The following MRPS6 variants were observed in gnomAD, a reference collection of about 807,000 sequenced individuals.
MRPS6 encodes mitochondrial ribosomal protein S6, also known as small ribosomal subunit protein bS6m.
A neutral mutation model predicts 13.1 loss-of-function variants in MRPS6; 6 were observed. The ratio of observed to expected loss-of-function variants is 0.46; its 90% CI spans 0.25 to 0.91. The LOEUF (loss-of-function observed/expected upper bound fraction) is 0.91. Among genes scored for constraint, MRPS6 ranks in the 40% least tolerant of loss-of-function variants. The pLI is 0.18. For missense variants in MRPS6, 164 were observed against 155.6 expected, an observed-to-expected ratio of 1.05 and a Z score of -0.29; for synonymous variants, 61 against 56.5, an observed-to-expected ratio of 1.08 and a Z score of -0.36.
At chr21:34,137,461 C>A (rs973403354) in intron 2 of MRPS6, among the ~76,000 whole-genome samples, 1 of 152,136 alleles carries the variant, frequency 6.6e-6, no homozygotes, top group Non-Finnish European at 1.5e-5. Context: ...TTGTATCTTG[C>A]AATCCTGCTA....
At chr21:34,074,368 C>T (rs994585956) in intron 1 of MRPS6, among the ~76,000 whole-genome samples, 13 of 152,224 alleles carry the variant, frequency 8.5e-5, no homozygotes, top group Non-Finnish European at 1.6e-4. Flanking sequence ...CTGACTTCAG[C>T]GAAAATCCCG....
Position 34,142,770 on chromosome 21 carries a change from G to GA in MRPS6, c.*172dup. The GA allele has an allele frequency of 1.5e-6, 1 of 669,470 alleles. No homozygotes were observed. The highest frequency in any genetic ancestry group is 3.2e-5 in the East Asian group (1 of 31,262). 41.5% of individuals were successfully genotyped at this position (669,470 alleles called of 1,614,324 possible). A position where few individuals can be genotyped will look rare whatever the true frequency, so the allele number is the denominator to read the frequency against. ...ATCCCCTTTGCTTGCGAGAGGTGGG[G>GA]AACTGCTCACTGACAGCTTCTCTGT... On this transcript the variant is annotated 3_prime_UTR_variant, in exon 3 of 3. Transcript: ENST00000399312.
At position 34,142,880 on chromosome 21, in the gene MRPS6, G is replaced by T; in HGVS notation, c.*280G>T. On this transcript the variant is annotated 3_prime_UTR_variant, in exon 3 of 3. Coordinates refer to ENST00000399312, the MANE Select transcript of MRPS6 (RefSeq NM_032476.4). ...ATTGAGGACTTTTCCCCTTACAACA[G>T]TAACACCATTTTTTGAAGAGCAAAA... 3.8e-6 allele frequency: 1 copy of T among 261,856 alleles called. No homozygotes were observed. Among genetic ancestry groups the T allele is most frequent in the Non-Finnish European group, 7.1e-6 (1 of 139,962 alleles). 16.2% of individuals were successfully genotyped at this position (261,856 alleles called of 1,614,324 possible).
In MRPS6 at chr21:34,104,506, T is replaced by TA. The variant is rs143789964; in HGVS notation, c.46-20834dup. ...CTTTGTTCCTACTCTTTTATATAAT[T>TA]ATCCTTTTAGGGAAAGACTTGGTCA... On this transcript the variant is annotated intron_variant, in intron 1 of 2. Coordinates refer to ENST00000399312, the MANE Select transcript of MRPS6 (RefSeq NM_032476.4). 15,081 of 998,414 alleles carry TA rather than the reference T, an allele frequency of 0.015. 1,738 individuals are homozygous for TA. The African/African-American group carries it at 0.24, about 16-fold the overall frequency. 61.8% of individuals were successfully genotyped at this position (998,414 alleles called of 1,614,324 possible).
chr21:34,117,179 A>G (rs1007081724), intron 1 of MRPS6, among the ~76,000 whole-genome samples: 1 of 152,186 alleles, frequency 6.6e-6, no homozygotes, highest in Non-Finnish European at 1.5e-5. Flanking sequence ...TTCTAGGCAA[A>G]ATAGTGCCAT....
chr21:34,127,417 C>T (rs1450999954), intron 2 of MRPS6, among the ~76,000 whole-genome samples: 1 of 152,190 alleles, frequency 6.6e-6, no homozygotes, highest in Non-Finnish European at 1.5e-5. Context: ...TGTGGGAAGC[C>T]TTACATGATC....
rs796339112 is a variant in MRPS6, at chr21:34,075,164, T to TA, written c.45+1420dup. ...AGTTGTTTAAGCCCTCCCTTCAACT[T>TA]ACGTGTTTTAGGGAATGTGGAACCT... On this transcript the variant is annotated intron_variant, in intron 1 of 2. Transcript: ENST00000399312. 1.5e-4 allele frequency among the ~76,000 whole-genome samples: 23 copies of TA among 152,372 alleles called. 1 individual carries two copies. Among genetic ancestry groups the TA allele is most frequent in the African/African-American group, 5.0e-4 (21 of 41,588 alleles).
intron 1 of MRPS6, among the ~76,000 whole-genome samples, chr21:34,112,351 A>G (rs1238367399): frequency 6.6e-6 from 1 of 152,196 alleles, no homozygotes; most frequent in Non-Finnish European, 1.5e-5. Context: ...CACTTGCAAG[A>G]TGTATGTGGA....
chr21:34,104,313 A>T (rs1177406248), intron 1 of MRPS6: 1 of 999,944 alleles, frequency 1.0e-6, no homozygotes, highest in Non-Finnish European at 1.2e-6. Flanking sequence ...AAATCTGTTA[A>T]TGTGTGTGTA....
intron 2 of MRPS6, chr21:34,135,345 G>GT (rs1980653083): frequency 4.2e-6 from 1 of 235,424 alleles, no homozygotes. Context: ...TATGAGAGCC[G>GT]GTTTTTTTTT....
At chr21:34,101,930 G>A in intron 1 of MRPS6, 1 of 1,000,144 alleles carries the variant, frequency 1.0e-6, no homozygotes, top group African/African-American at 1.7e-5. Context: ...TGGTGTCAGA[G>A]TGCAGAGAAA....
intron 1 of MRPS6, among the ~76,000 whole-genome samples, chr21:34,074,918 C>T (rs1171206813): frequency 6.6e-6 from 1 of 152,134 alleles, no homozygotes; most frequent in Non-Finnish European, 1.5e-5. Flanking sequence ...TGGGAAGGGA[C>T]GCCAGTGCCT....
chr21:34,093,872 T>G (rs1386847025), intron 1 of MRPS6, among the ~76,000 whole-genome samples: 1 of 152,206 alleles, frequency 6.6e-6, no homozygotes, highest in African/African-American at 2.4e-5. Flanking sequence ...ACTGAAGATT[T>G]ATCTAATGGT....
chr21:34,099,780 A>G (rs527733463), intron 1 of MRPS6: 12 of 838,982 alleles, frequency 1.4e-5, no homozygotes, highest in East Asian at 1.2e-4. Context: ...AGGAATGACT[A>G]TTAGCATATT....
At chr21:34,128,382 C>T (rs1187313957) in intron 2 of MRPS6, among the ~76,000 whole-genome samples, 8 of 152,080 alleles carry the variant, frequency 5.3e-5, no homozygotes, top group African/African-American at 1.7e-4. Context: ...CCAAATCAAC[C>T]GCCTTATCAC....
At chr21:34,082,730 T>C (rs1783287) in intron 1 of MRPS6, among the ~76,000 whole-genome samples, 152,278 of 152,282 alleles carry the variant, frequency 1, 76,137 homozygotes, top group Middle Eastern at 1. Flanking sequence ...ACTAACCTTC[T>C]TTTTTTGTCT....
In MRPS6 at chr21:34,073,624, C is replaced by T. The variant is rs1343185668; in HGVS notation, c.-77C>T. The T allele has an allele frequency of 2.3e-6, 3 of 1,311,158 alleles. No individual in the cohort carries two copies. Among genetic ancestry groups the T allele is most frequent in the Non-Finnish European group, 3.2e-6 (3 of 950,044 alleles). The allele number at this position is 1,311,158 out of a possible 1,614,324, so 81.2% of individuals were successfully genotyped here. A position where few individuals can be genotyped will look rare whatever the true frequency, so the allele number is the denominator to read the frequency against. On this transcript the variant is annotated 5_prime_UTR_variant, in exon 1 of 3. Coordinates refer to ENST00000399312, the MANE Select transcript of MRPS6 (RefSeq NM_032476.4). ...TCCGGCGCAGCAGTTTCTAGGTCCCCACTGTCCCCGCCGTCCCGCCCCTTC... is the reference window on the plus strand; with the variant it reads ...TCCGGCGCAGCAGTTTCTAGGTCCCTACTGTCCCCGCCGTCCCGCCCCTTC...
At chr21:34,103,315 TAA>T (rs11433558) in intron 1 of MRPS6, 1,793 of 902,226 alleles carry the variant, frequency 2.0e-3, no homozygotes, top group Non-Finnish European at 2.1e-3. Flanking sequence ...GTGAAGGAAG[TAA>T]AAAAAAAAAA....
At chr21:34,100,471 A>G (rs546165935) in intron 1 of MRPS6, 6 of 1,000,206 alleles carry the variant, frequency 6.0e-6, no homozygotes, top group African/African-American at 1.7e-5. Flanking sequence ...AGCAATAGCA[A>G]TGGTGCTGTG....
Sources: allele counts gnomAD v4.1 joint callset (sites outside exome capture counted in the v4.1 genomes callset), GRCh38; gene constraint gnomAD v4.1.1; transcripts MANE v1.5; gene names NCBI Gene and HGNC (gene_info 2026-07-23, HGNC 2026-07-21).